Variants in HNMT observed in about 807,000 individuals in gnomAD.
The protein encoded by HNMT is histamine N-methyltransferase.
Under a neutral mutation model 32.1 loss-of-function variants are expected in HNMT, and 30 were observed. The observed-to-expected ratio is 0.93, with a 90% CI of 0.70 to 1.27. The LOEUF (loss-of-function observed/expected upper bound fraction) is 1.27. Ranked by LOEUF, HNMT falls within the 50% of genes most tolerant of loss-of-function variation. The pLI, the probability that HNMT is intolerant of heterozygous loss-of-function variation, is 0.00. For missense variants in HNMT, 327 were observed against 346.0 expected (o/e 0.95, Z 0.43); for synonymous variants, 125 against 119.0 (o/e 1.05, Z -0.33).
At chr2:137,973,859 CCTCTT>C (rs1680207261) in intron 2 of HNMT, among the ~76,000 whole-genome samples, 1 of 151,856 alleles carries the variant, frequency 6.6e-6, no homozygotes, top group African/African-American at 2.4e-5. Flanking sequence ...ATTAGCCTCT[CCTCTT>C]GAGTCTGGTG....
chr2:138,009,435 A>G (rs1318691790), intron 5 of HNMT, among the ~76,000 whole-genome samples: 2 of 151,996 alleles, frequency 1.3e-5, no homozygotes, highest in African/African-American at 4.8e-5. Flanking sequence ...TATCACCTAG[A>G]TAAACCTGTG....
intron 5 of HNMT, 109 bp downstream of exon 5, chr2:138,005,334 T>C: frequency 2.9e-6 from 2 of 699,362 alleles, no homozygotes; most frequent in South Asian, 1.8e-5. Context: ...ATGAAATTCT[T>C]GCCTTGGCCT....
At chr2:137,993,616 CCAGGAGAACTTCCT>C (rs2104961842) in intron 2 of HNMT, among the ~76,000 whole-genome samples, 1 of 152,202 alleles carries the variant, frequency 6.6e-6, no homozygotes, top group South Asian at 2.1e-4. Context: ...AGGATATTAT[CCAGGAGAACTTCCT>C]CAATCTAGCA....
chr2:137,965,300 G>A (rs1679923479), intron 1 of HNMT, among the ~76,000 whole-genome samples: 1 of 152,150 alleles, frequency 6.6e-6, no homozygotes, highest in South Asian at 2.1e-4. Context: ...CATTATGAGA[G>A]TAACAGATTC....
At chr2:137,973,953 C>T (rs1205977097) in intron 2 of HNMT, among the ~76,000 whole-genome samples, 5 of 151,944 alleles carry the variant, frequency 3.3e-5, no homozygotes, top group Non-Finnish European at 7.4e-5. Context: ...AGTTTAGATG[C>T]GAAGCAATTA....
At chr2:137,970,454 T>C (rs2104925072) in intron 2 of HNMT, among the ~76,000 whole-genome samples, 1 of 152,314 alleles carries the variant, frequency 6.6e-6, no homozygotes, top group Admixed American at 6.5e-5. Context: ...GTTCTTTTGA[T>C]AGATGAAAAA....
intron 1 of HNMT, 83 bp from the exon 2 acceptor site, chr2:137,970,081 TG>T (rs1680075072): frequency 1.4e-6 from 1 of 690,378 alleles, no homozygotes; most frequent in Non-Finnish European, 2.5e-6. Context: ...ATTTTTAGTC[TG>T]TTCTCTTCAA....
At chr2:137,999,696 C>T (rs181407660) in intron 2 of HNMT, among the ~76,000 whole-genome samples, 26 of 152,118 alleles carry the variant, frequency 1.7e-4, no homozygotes, top group Non-Finnish European at 3.1e-4. Flanking sequence ...AGGTCAACAT[C>T]ATAACCTAAC....
intron 2 of HNMT, among the ~76,000 whole-genome samples, chr2:137,996,426 T>A (rs558095804): frequency 5.3e-5 from 8 of 152,214 alleles, no homozygotes; most frequent in South Asian, 4.2e-4. Context: ...TCACAGTTGC[T>A]ACAAAGAGAA....
intron 2 of HNMT, among the ~76,000 whole-genome samples, chr2:137,994,617 A>G (rs1288608029): frequency 6.6e-6 from 1 of 152,234 alleles, no homozygotes; most frequent in Non-Finnish European, 1.5e-5. Flanking sequence ...TCAATGAGAC[A>G]GAAAATTAAT....
chr2:137,985,265 G>T (rs777644662), intron 2 of HNMT, among the ~76,000 whole-genome samples: 3 of 152,006 alleles, frequency 2.0e-5, no homozygotes, highest in Non-Finnish European at 2.9e-5. Context: ...TGACTGCCTT[G>T]GGATCTCAAA....
Position 137,970,181 on chromosome 2 carries a change from T to C in HNMT, c.154T>C (p.Ser52Pro). 6.3e-7 allele frequency: 1 copy of C among 1,576,232 alleles called. No homozygotes were observed. The change falls in exon 2 of 6, where the codon TCA (serine) becomes CCA (proline). Residue 52 changes from serine (S) to proline (P), a missense_variant. Physicochemically the swap from Ser to Pro is moderately conservative, Grantham distance 74 (BLOSUM62 -1). Coordinates refer to ENST00000280097, the MANE Select transcript of HNMT (RefSeq NM_006895.3). Reference sequence around the variant, plus strand: ...TTCTTTCAGGATTGGAGACACAAAATCAGAAATTAAGATTCTAAGCATAGG... The same window carrying C: ...TTCTTTCAGGATTGGAGACACAAAACCAGAAATTAAGATTCTAAGCATAGG... ...GIIGRIGDTKSEIKILSIGGG... is the reference protein window; with the variant it reads ...GIIGRIGDTKPEIKILSIGGG...
chr2:137,999,394 C>T (rs1681092673), intron 2 of HNMT, among the ~76,000 whole-genome samples: 1 of 152,088 alleles, frequency 6.6e-6, no homozygotes, highest in Admixed American at 6.6e-5. Context: ...CAGCTTCCTT[C>T]CCACTCTCCC....
At chr2:137,968,217 GT>G (rs1680018506) in intron 1 of HNMT, among the ~76,000 whole-genome samples, 1 of 152,080 alleles carries the variant, frequency 6.6e-6, no homozygotes, top group Non-Finnish European at 1.5e-5. Flanking sequence ...AGTAAAGTTG[GT>G]TATTGTTGTT....
chr2:137,991,820 G>T (rs1680825129), intron 2 of HNMT: 3 of 152,134 alleles, frequency 2.0e-5, no homozygotes, highest in African/African-American at 7.2e-5. Flanking sequence ...ACACAGGGCG[G>T]GGCCAAGATG....
At chr2:138,009,240 C>CA (rs1681422496) in intron 5 of HNMT, among the ~76,000 whole-genome samples, 1 of 151,798 alleles carries the variant, frequency 6.6e-6, no homozygotes, top group Non-Finnish European at 1.5e-5. Flanking sequence ...ATTAAAAAGA[C>CA]AAAAAATAAC....
intron 2 of HNMT, among the ~76,000 whole-genome samples, chr2:137,997,938 T>A (rs1324013654): frequency 6.6e-6 from 1 of 152,044 alleles, no homozygotes; most frequent in Non-Finnish European, 1.5e-5. Context: ...AAATACCGCA[T>A]GTTCTCATTC....
intron 2 of HNMT, among the ~76,000 whole-genome samples, chr2:137,994,884 A>G (rs1042303466): frequency 5.9e-5 from 9 of 152,218 alleles, no homozygotes; most frequent in East Asian, 3.8e-4. Flanking sequence ...ACATAATTAC[A>G]TGGAAATTGA....
At chr2:137,976,523 C>A (rs1245400336) in intron 2 of HNMT, among the ~76,000 whole-genome samples, 1 of 152,018 alleles carries the variant, frequency 6.6e-6, no homozygotes, top group East Asian at 1.9e-4. Flanking sequence ...GTGGCTATTA[C>A]CATGTTTGCT....
Sources: gnomAD v4.1 joint callset for allele counts (sites outside exome capture counted in the v4.1 genomes callset) on GRCh38, gnomAD v4.1.1 for gene constraint, MANE v1.5 for transcripts, NCBI Gene and HGNC (gene_info 2026-07-23, HGNC 2026-07-21) for gene names.